SIRPA: variants seen among roughly 807,000 people sequenced by gnomAD.
SIRPA encodes the protein signal regulatory protein alpha.
A neutral mutation model predicts 50.3 loss-of-function variants in SIRPA; 9 were observed. That is an observed-to-expected ratio of 0.18 (90% CI 0.11 to 0.31). The LOEUF is 0.31. Ranked by LOEUF, SIRPA falls within the 10% of genes least tolerant of loss-of-function variation. The probability of loss-of-function intolerance (pLI) is 1.00; values close to 1 mark genes in which losing one functional copy is unlikely to be tolerated. For synonymous variants in SIRPA, 265 were observed against 284.1 expected (o/e 0.93, Z 0.68); for missense variants, 474 against 661.6 (o/e 0.72, Z 3.11).
intron 1 of SIRPA, among the ~76,000 whole-genome samples, chr20:1,906,803 TAAG>T (rs1470492806): frequency 6.6e-6 from 1 of 151,816 alleles, no homozygotes; most frequent in Non-Finnish European, 1.5e-5. Flanking sequence ...GTCAGGGTGG[TAAG>T]AAGAGGTCAG....
At chr20:1,923,996 G>GGTTC (rs1985823824) in intron 4 of SIRPA, among the ~76,000 whole-genome samples, 1 of 151,868 alleles carries the variant, frequency 6.6e-6, no homozygotes. Flanking sequence ...TTGGTTGGTT[G>GGTTC]GTTGGTTGGT....
In SIRPA at chr20:1,915,112, G is replaced by A. The variant is rs750952790; in HGVS notation, c.93G>A (p.Glu31=). Residue 31 remains glutamate (E), a synonymous_variant, in exon 2 of 8, where the codon GAG becomes GAA. Transcript: ENST00000358771. ...ASCAWSGVAG[E]EELQVIQPDK... is the part of the protein sequence containing the mutation. ...GCTCCTTTCCAGGAGTGGCGGGTGA[G>A]GAGGAGCTGCAGGTGATTCAGCCTG... The A allele has an allele frequency of 1.3e-6, 2 of 1,595,212 alleles. No individual in the cohort carries two copies. Among genetic ancestry groups the A allele is most frequent in the Non-Finnish European group, 1.7e-6 (2 of 1,168,502 alleles).
intron 6 of SIRPA, among the ~76,000 whole-genome samples, chr20:1,931,023 A>G (rs1476633549): frequency 2.0e-5 from 3 of 152,204 alleles, no homozygotes; most frequent in Non-Finnish European, 4.4e-5. Context: ...TCCTGGCACT[A>G]TCTATGCCTT....
chr20:1,929,164 G>T (rs558467709), intron 6 of SIRPA, among the ~76,000 whole-genome samples: 1 of 152,074 alleles, frequency 6.6e-6, no homozygotes, highest in East Asian at 1.9e-4. Flanking sequence ...GATTTTATCC[G>T]CAGTGGGATG....
chr20:1,901,125 C>G (rs909209206), intron 1 of SIRPA, among the ~76,000 whole-genome samples: 1 of 143,882 alleles, frequency 7.0e-6, no homozygotes, highest in African/African-American at 2.5e-5. Flanking sequence ...TAGTGCTCCT[C>G]TCATTTTTGT....
In SIRPA at chr20:1,928,043, A is replaced by G. The variant is rs2122151959; in HGVS notation, c.1226+144A>G. 1 of 768,138 alleles carries G rather than the reference A, an allele frequency of 1.3e-6. No individual in the cohort carries two copies. Among genetic ancestry groups the G allele is most frequent in the South Asian group, 1.5e-5 (1 of 67,898 alleles). The allele number at this position is 768,138 out of a possible 1,614,324, so 47.6% of individuals were successfully genotyped here. A position where few individuals can be genotyped will look rare whatever the true frequency, so the allele number is the denominator to read the frequency against. On this transcript the variant is annotated intron_variant, in intron 6 of 7. Coordinates refer to ENST00000358771, the MANE Select transcript of SIRPA (RefSeq NM_001040023.2). This position sits in a 1 kb window ranked among gnomAD's most constrained non-coding sequence, Gnocchi z 4.9. ...TCTTTCTCTCCTTTGTAACCTCCTC[A>G]CACTGGGTCACGCTGTTTTTAATTA... is the stretch of plus-strand genomic sequence containing the variant.
At chr20:1,919,702 A>G (rs1460065648) in intron 2 of SIRPA, among the ~76,000 whole-genome samples, 6 of 152,150 alleles carry the variant, frequency 3.9e-5, no homozygotes, top group Non-Finnish European at 8.8e-5. Flanking sequence ...CTCCTCCTTT[A>G]AAATGCTTCC....
chr20:1,923,739 C>T (rs1463405725), intron 4 of SIRPA, among the ~76,000 whole-genome samples: 2 of 152,204 alleles, frequency 1.3e-5, no homozygotes, highest in East Asian at 3.9e-4. Flanking sequence ...TGTGGCTTTC[C>T]ACGCCAGCTA....
At chr20:1,918,853 T>C (rs1985471915) in intron 2 of SIRPA, among the ~76,000 whole-genome samples, 2 of 152,016 alleles carry the variant, frequency 1.3e-5, no homozygotes, top group African/African-American at 4.8e-5. Flanking sequence ...CCTGCAGAAG[T>C]GTGGTTAGGA....
rs552788923 is a variant in SIRPA at position 1,909,283 on chromosome 20, G to C, written c.80-5816G>C. ...GTGGCTTGTGCTGTGGTGACCCACTGCTTCCGGGGGATGGGCAAGCTCCCA... is the reference window on the plus strand; with the variant it reads ...GTGGCTTGTGCTGTGGTGACCCACTCCTTCCGGGGGATGGGCAAGCTCCCA... On this transcript the variant is annotated intron_variant, in intron 1 of 7. Transcript: ENST00000358771. 3.3e-5 allele frequency among the ~76,000 whole-genome samples: 5 copies of C among 152,348 alleles called. No individual in the cohort carries two copies. The South Asian group carries it at 1.0e-3, about 32-fold the overall frequency.
chr20:1,930,920 T>C (rs1028302839), intron 6 of SIRPA, among the ~76,000 whole-genome samples: 1 of 152,136 alleles, frequency 6.6e-6, no homozygotes, highest in Non-Finnish European at 1.5e-5. Context: ...TTGTCTTACC[T>C]CCCCGATTAG....
At chr20:1,919,489 C>A (rs1985513806) in intron 2 of SIRPA, among the ~76,000 whole-genome samples, 2 of 152,170 alleles carry the variant, frequency 1.3e-5, no homozygotes, top group African/African-American at 4.8e-5. Flanking sequence ...CTGGCCAGAC[C>A]CCCTCTTATG....
chr20:1,911,787 A>G (rs1260412566), intron 1 of SIRPA, among the ~76,000 whole-genome samples: 4 of 152,076 alleles, frequency 2.6e-5, no homozygotes, highest in Admixed American at 2.6e-4. Context: ...TCTCCCTGAG[A>G]CGGTTCAGGC....
Position 1,922,457 on chromosome 20 carries a change from C to A in SIRPA, c.899C>A (p.Ser300Ter). The A allele has an allele frequency of 6.2e-7, 1 of 1,614,240 alleles. No homozygotes were observed. Residue 300 changes from serine (S) to a stop codon, truncating the protein, a stop_gained, in exon 4 of 8, where the codon TCA becomes TAA. Coordinates refer to ENST00000358771, the MANE Select transcript of SIRPA (RefSeq NM_001040023.2). LOFTEE classifies it high-confidence loss of function. ...AACGTGTCCCGGACAGAAACGGCCT[C>A]AACCGTTACAGAGAACAAGGATGGT... is the stretch of plus-strand genomic sequence containing the variant. The part of the protein sequence containing the change: ...NGNVSRTETA[S>*]TVTENKDGTY...
chr20:1,895,468 C>G lies in SIRPA; in HGVS notation c.21C>G (p.Ala7=). MEPAGP[A]PGRLGPLLCL... ...GGCCCATGGAGCCCGCCGGCCCGGCCCCCGGCCGCCTCGGGCCGCTGCTCT... is the reference window on the plus strand; with the variant it reads ...GGCCCATGGAGCCCGCCGGCCCGGCGCCCGGCCGCCTCGGGCCGCTGCTCT... Residue 7 remains alanine, a synonymous_variant, in exon 1 of 8, where the codon GCC becomes GCG. Transcript: ENST00000358771. 3.5e-6 allele frequency: 5 copies of G among 1,430,466 alleles called. No individual in the cohort carries two copies. Among genetic ancestry groups the G allele is most frequent in the South Asian group, 2.9e-5 (2 of 68,938 alleles). 88.6% of individuals were successfully genotyped at this position (1,430,466 alleles called of 1,614,324 possible).
At chr20:1,899,074 A>G (rs1984002119) in intron 1 of SIRPA, among the ~76,000 whole-genome samples, 1 of 151,942 alleles carries the variant, frequency 6.6e-6, no homozygotes, top group African/African-American at 2.4e-5. Context: ...TCTTATTTGT[A>G]GTCTTGGACT....
chr20:1,926,408 C>T (rs1170970471), intron 5 of SIRPA, among the ~76,000 whole-genome samples: 1 of 152,244 alleles, frequency 6.6e-6, no homozygotes, highest in African/African-American at 2.4e-5. Flanking sequence ...GTCTCAGGCC[C>T]AGGCAGCACG....
chr20:1,915,552 G>A, intron 2 of SIRPA, 97 bp downstream of exon 2: 1 of 1,422,650 alleles, frequency 7.0e-7, no homozygotes, highest in Non-Finnish European at 9.8e-7. Flanking sequence ...GTGGTGGTAG[G>A]TGCTCCTTTC....
chr20:1,908,042 G>A (rs535320132), intron 1 of SIRPA, among the ~76,000 whole-genome samples: 114 of 152,284 alleles, frequency 7.5e-4, no homozygotes, highest in African/African-American at 2.7e-3. Flanking sequence ...GCTCTGGAAA[G>A]GTTAGCACCT....
Sources: allele counts gnomAD v4.1 joint callset (sites outside exome capture counted in the v4.1 genomes callset), GRCh38; gene constraint gnomAD v4.1.1; non-coding constraint Gnocchi (gnomAD v3.1); transcripts MANE v1.5; gene names NCBI Gene and HGNC (gene_info 2026-07-23, HGNC 2026-07-21).